The following PRPS2 variants were observed in gnomAD, a reference collection of about 807,000 sequenced individuals.
PRPS2 encodes ribose-phosphate pyrophosphokinase 2.
For synonymous variants in PRPS2, 111 were observed against 115.3 expected (o/e 0.96, Z 0.24); for missense variants, 104 against 271.5 (o/e 0.38, Z 4.34).
intron 1 of PRPS2, 71 bp downstream of exon 1, chrX:12,791,690 G>A (rs1022789075): frequency 5.0e-5 from 43 of 862,922 alleles, no homozygotes; most frequent in Non-Finnish European, 5.8e-5. Context: ...GTTGGGGGCC[G>A]GCGCCTGCCC....
At chrX:12,815,366 A>G (rs1355338728) in intron 4 of PRPS2, among the ~76,000 whole-genome samples, 1 of 110,520 alleles carries the variant, frequency 9.0e-6, no homozygotes, top group East Asian at 2.9e-4. Flanking sequence ...CCTGGCAGAG[A>G]GATGAAAACA....
intron 1 of PRPS2, among the ~76,000 whole-genome samples, chrX:12,795,997 C>T (rs2042541125): frequency 8.9e-6 from 1 of 111,853 alleles, no homozygotes; most frequent in Admixed American, 9.5e-5. Context: ...GTTATCAAAA[C>T]TAATTTTCAC....
At chrX:12,813,914 A>G (rs1476446439) in intron 4 of PRPS2, among the ~76,000 whole-genome samples, 2 of 111,218 alleles carry the variant, frequency 1.8e-5, no homozygotes, top group African/African-American at 6.5e-5. Context: ...TTTTCTTCAC[A>G]TTATGGCTTC....
intron 6 of PRPS2, among the ~76,000 whole-genome samples, chrX:12,822,285 G>A (rs2042680001): frequency 8.9e-6 from 1 of 112,241 alleles, no homozygotes; most frequent in Admixed American, 9.4e-5. Context: ...TAACTATTTG[G>A]TCCTCTATAG....
At chrX:12,811,237 CAAAT>C (rs2042622563) in intron 4 of PRPS2, among the ~76,000 whole-genome samples, 1 of 112,233 alleles carries the variant, frequency 8.9e-6, no homozygotes, top group Admixed American at 9.4e-5. Flanking sequence ...ACTGGACTAT[CAAAT>C]AAGTAAGTTT....
chrX:12,804,324 T>A (rs2042583361), intron 2 of PRPS2, among the ~76,000 whole-genome samples: 1 of 109,809 alleles, frequency 9.1e-6, no homozygotes, highest in Non-Finnish European at 1.9e-5. Context: ...GTATTTTTAG[T>A]AGAGACAGGG....
intron 4 of PRPS2, among the ~76,000 whole-genome samples, chrX:12,817,631 G>C (rs758817082): frequency 9.0e-6 from 1 of 111,419 alleles, no homozygotes; most frequent in Non-Finnish European, 1.9e-5. Context: ...ATTCAGTATA[G>C]CCAAAAGGTG....
chrX:12,820,010 T>C (rs1400757377), intron 5 of PRPS2, among the ~76,000 whole-genome samples: 1 of 111,836 alleles, frequency 8.9e-6, no homozygotes, highest in Non-Finnish European at 1.9e-5. Context: ...GTGCCAGCCT[T>C]CTCAGCCACA....
At chrX:12,806,081 A>AG (rs1202733674) in intron 2 of PRPS2, among the ~76,000 whole-genome samples, 2 of 105,210 alleles carry the variant, frequency 1.9e-5, no homozygotes, top group Admixed American at 1.0e-4. Flanking sequence ...CCGTCTCAAA[A>AG]GGAAAAAAAA....
At chrX:12,800,643 A>G (rs962349477) in intron 2 of PRPS2, among the ~76,000 whole-genome samples, 1 of 111,870 alleles carries the variant, frequency 8.9e-6, no homozygotes, top group Non-Finnish European at 1.9e-5. Context: ...AACTCAGTGC[A>G]AGAAAGGTTT....
intron 2 of PRPS2, among the ~76,000 whole-genome samples, chrX:12,799,893 A>T (rs2042561292): frequency 9.2e-6 from 1 of 108,327 alleles, no homozygotes; most frequent in African/African-American, 3.3e-5. Context: ...AAGTTTAATT[A>T]AAAAAAAAAC....
chrX:12,796,122 C>T (rs2042541857), intron 1 of PRPS2, among the ~76,000 whole-genome samples: 1 of 111,391 alleles, frequency 9.0e-6, no homozygotes, highest in South Asian at 3.8e-4. Flanking sequence ...CTCAAACAAT[C>T]CCCTTGCCTC....
At chrX:12,817,744 C>G (rs779778136) in intron 4 of PRPS2, among the ~76,000 whole-genome samples, 1 of 111,956 alleles carries the variant, frequency 8.9e-6, no homozygotes, top group South Asian at 3.7e-4. Flanking sequence ...AAGTACTCAT[C>G]TATGCAGCCG....
At chrX:12,818,585 T>C (rs777792062) in intron 4 of PRPS2, among the ~76,000 whole-genome samples, 1 of 110,545 alleles carries the variant, frequency 9.0e-6, no homozygotes, top group South Asian at 3.9e-4. Context: ...TTAAAACTAG[T>C]GTGTGGAGGT....
intron 2 of PRPS2, among the ~76,000 whole-genome samples, chrX:12,807,543 G>A (rs2042599797): frequency 8.9e-6 from 1 of 112,104 alleles, no homozygotes; most frequent in African/African-American, 3.2e-5. Flanking sequence ...CAATTAGTGA[G>A]GCTAATGAGT....
chrX:12,817,860 A>G (rs1368823753), intron 4 of PRPS2, among the ~76,000 whole-genome samples: 2 of 111,399 alleles, frequency 1.8e-5, no homozygotes, highest in Non-Finnish European at 3.8e-5. Context: ...AGAGACAGAA[A>G]ATAGATTCAT....
At chrX:12,820,530 T>A in intron 5 of PRPS2, 114 bp from the exon 6 acceptor site, 1 of 769,562 alleles carries the variant, frequency 1.3e-6, no homozygotes, top group Non-Finnish European at 1.8e-6. Context: ...GTGAGTGAAA[T>A]TTGTTGCATT....
At chrX:12,802,127 C>T (rs1006385733) in intron 2 of PRPS2, among the ~76,000 whole-genome samples, 5 of 111,913 alleles carry the variant, frequency 4.5e-5, no homozygotes, top group African/African-American at 1.6e-4. Context: ...ATCTGATTTG[C>T]GGTGACCTCT....
chrX:12,817,265 T>A (rs2042651812), intron 4 of PRPS2, among the ~76,000 whole-genome samples: 1 of 110,768 alleles, frequency 9.0e-6, no homozygotes, highest in South Asian at 3.8e-4. Context: ...TGCATAGGGT[T>A]TTTTTATGCA....
Sources: allele counts gnomAD v4.1 joint callset (sites outside exome capture counted in the v4.1 genomes callset), GRCh38; gene constraint gnomAD v4.1.1; transcripts MANE v1.5; gene names NCBI Gene and HGNC (gene_info 2026-07-23, HGNC 2026-07-21).